Variants in TTC8 observed in about 807,000 individuals in gnomAD.
The protein encoded by TTC8 is tetratricopeptide repeat domain 8.
In TTC8, 47 loss-of-function variants were observed where a neutral mutation model predicts 72.5. The observed-to-expected ratio is 0.65, with a 90% CI of 0.51 to 0.83. The LOEUF (loss-of-function observed/expected upper bound fraction) is 0.83, where lower values mean the gene tolerates loss of function less well. TTC8 is among the 40% of genes least tolerant of loss of function. The pLI is 0.00. For synonymous variants in TTC8, 199 were observed against 221.4 expected, an observed-to-expected ratio of 0.90 and a Z score of 0.90; for missense variants, 611 against 623.2, an observed-to-expected ratio of 0.98 and a Z score of 0.21.
chr14:88,862,209 T>G (rs1000847440), intron 10 of TTC8, among the ~76,000 whole-genome samples: 4 of 152,058 alleles, frequency 2.6e-5, no homozygotes, highest in African/African-American at 9.7e-5. Flanking sequence ...TTCACTGTGG[T>G]TTTGATTTAC....
At chr14:88,864,774 T>C (rs1366464398) in intron 10 of TTC8, among the ~76,000 whole-genome samples, 1 of 152,216 alleles carries the variant, frequency 6.6e-6, no homozygotes, top group Admixed American at 6.5e-5. Flanking sequence ...TAATTTCCGT[T>C]ATGTAAAGGT....
Position 88,846,617 on chromosome 14 carries a change from T to C in TTC8, c.624+2767T>C, listed in dbSNP as rs200350286. ...TAATAGATTCATCTTGAAGATGTAG[T>C]TCTACATCTTGGAATTTACCCATTC... On this transcript the variant is annotated intron_variant, in intron 7 of 14. Transcript: ENST00000380656. 172 of 1,456,296 alleles carry C rather than the reference T, an allele frequency of 1.2e-4. No individual in the cohort carries two copies. In the Middle Eastern group the frequency reaches 2.4e-3, roughly 21 times the overall value. 90.2% of individuals were successfully genotyped at this position (1,456,296 alleles called of 1,614,324 possible). A position where few individuals can be genotyped will look rare whatever the true frequency, so the allele number is the denominator to read the frequency against.
chr14:88,857,323 T>C (rs1226763143), intron 9 of TTC8, 46 bp downstream of exon 9: 15 of 1,535,630 alleles, frequency 9.8e-6, no homozygotes, highest in Non-Finnish European at 1.1e-5. Context: ...TCAGAATAAA[T>C]GTTTAAATTC....
At chr14:88,830,837 CT>C (rs1473698570) in intron 1 of TTC8, 5 of 455,882 alleles carry the variant, frequency 1.1e-5, no homozygotes, top group Non-Finnish European at 2.2e-5. Flanking sequence ...GAGTTTTCCC[CT>C]ATCTCCTAAT....
intron 2 of TTC8, among the ~76,000 whole-genome samples, chr14:88,834,449 G>A (rs2094740667): frequency 6.6e-6 from 1 of 152,146 alleles, no homozygotes. Context: ...CCTACCAAGC[G>A]AGATGGAATG....
chr14:88,843,015 C>T (rs72697964), intron 6 of TTC8, among the ~76,000 whole-genome samples: 3 of 151,900 alleles, frequency 2.0e-5, no homozygotes, highest in Non-Finnish European at 4.4e-5. Context: ...TCCAAGTCTT[C>T]TTTGTTAGTA....
At chr14:88,852,610 C>T (rs2094838426) in intron 7 of TTC8, among the ~76,000 whole-genome samples, 1 of 152,128 alleles carries the variant, frequency 6.6e-6, no homozygotes, top group African/African-American at 2.4e-5. Context: ...ACTTGACTGC[C>T]ACGGAGTTTG....
At chr14:88,836,054 T>A (rs1349593880) in intron 2 of TTC8, among the ~76,000 whole-genome samples, 2 of 152,198 alleles carry the variant, frequency 1.3e-5, no homozygotes, top group Non-Finnish European at 2.9e-5. Context: ...TAAAATTGAA[T>A]AACAGTCTGA....
intron 13 of TTC8, among the ~76,000 whole-genome samples, chr14:88,873,571 G>A (rs2094944348): frequency 1.3e-5 from 2 of 152,176 alleles, no homozygotes; most frequent in Admixed American, 6.5e-5. Context: ...TAGATGCTCA[G>A]TCAATATTTG....
In TTC8 at chr14:88,824,809, C is replaced by G; in HGVS notation, c.102C>G (p.Ser34=). The change falls in exon 1 of 15, where the codon TCC becomes TCG. Residue 34 remains serine (S), a synonymous_variant. Coordinates refer to ENST00000380656, the MANE Select transcript of TTC8 (RefSeq NM_144596.4). Reference sequence around the variant, plus strand: ...TATGCACGCAGATGCTGGAGAAGTCCCCTTATGACCAGGTACCGGCCAGCT... The same window carrying G: ...TATGCACGCAGATGCTGGAGAAGTCGCCTTATGACCAGGTACCGGCCAGCT... The part of the protein sequence containing the change: ...ADLCTQMLEK[S]PYDQEPDPEL... 1 of 1,613,164 alleles carries G rather than the reference C, an allele frequency of 6.2e-7. No homozygotes were observed. The highest frequency in any genetic ancestry group is 1.1e-5 in the South Asian group (1 of 90,840).
intron 7 of TTC8, among the ~76,000 whole-genome samples, chr14:88,851,614 A>G (rs1957236): frequency 0.041 from 6,154 of 151,896 alleles, 372 homozygotes; most frequent in African/African-American, 0.12. Flanking sequence ...CTGAAAATAT[A>G]TTTTTCTAGT....
intron 8 of TTC8, 143 bp downstream of exon 8, chr14:88,853,199 C>T: frequency 1.5e-6 from 1 of 681,392 alleles, no homozygotes; most frequent in South Asian, 1.5e-5. Flanking sequence ...ATTTACTTAA[C>T]AATCACAGGG....
chr14:88,857,230 G>T lies in TTC8; in HGVS notation c.751G>T (p.Ala251Ser), dbSNP rs1331874836. ...YREAEKQFKS[A>S]LKQQEMVDTF... ...TGAAGCAGAAAAACAGTTTAAATCA[G>T]CCCTGAAGCAGCAGGAAATGGTAGA... Residue 251 changes from alanine (A) to serine (S), a missense_variant, in exon 9 of 15, where the codon GCC becomes TCC. By Grantham distance (99) the Ala-to-Ser change is moderately conservative. Transcript: ENST00000380656. 1 of 1,613,778 alleles carries T rather than the reference G, an allele frequency of 6.2e-7. No homozygotes were observed. The highest frequency in any genetic ancestry group is 1.3e-5 in the African/African-American group (1 of 74,912).
At chr14:88,855,596 T>G (rs1187654735) in intron 8 of TTC8, among the ~76,000 whole-genome samples, 1 of 152,240 alleles carries the variant, frequency 6.6e-6, no homozygotes, top group Non-Finnish European at 1.5e-5. Flanking sequence ...ATTTTTATTT[T>G]TAAAATTTAT....
intron 14 of TTC8, among the ~76,000 whole-genome samples, chr14:88,875,995 G>A (rs544237980): frequency 1.3e-5 from 2 of 152,200 alleles, no homozygotes; most frequent in South Asian, 4.1e-4. Flanking sequence ...TGGCACAGAG[G>A]ATGTAATGAT....
rs2094937538 is a variant in TTC8 at position 88,872,289 on chromosome 14, T to C, written c.1225-41T>C. On this transcript the variant is annotated intron_variant, in intron 12 of 14. Coordinates refer to ENST00000380656, the MANE Select transcript of TTC8 (RefSeq NM_144596.4). ...TATGAGGAAAGAAGGGAGGAGGAAG[T>C]AAACGGACCCATGGGTGTGAACATA... is the stretch of plus-strand genomic sequence containing the variant. 1.9e-6 allele frequency: 3 copies of C among 1,612,104 alleles called. No individual in the cohort carries two copies. The Admixed American group carries it at 5.0e-5, about 27-fold the overall frequency.
intron 8 of TTC8, among the ~76,000 whole-genome samples, chr14:88,854,090 C>A (rs777825756): frequency 1.3e-5 from 2 of 152,004 alleles, no homozygotes; most frequent in African/African-American, 4.8e-5. Flanking sequence ...GTGTTTTTTC[C>A]TGCTGCTAGA....
upstream of TTC8, chr14:88,824,266 CG>C (rs1470730975): frequency 6.2e-6 from 1 of 162,072 alleles, no homozygotes; most frequent in Non-Finnish European, 1.3e-5. Context: ...GAAGGTAAAG[CG>C]AAAGGGATGG....
intron 8 of TTC8, among the ~76,000 whole-genome samples, chr14:88,854,710 G>A (rs1052574647): frequency 6.6e-6 from 1 of 151,962 alleles, no homozygotes; most frequent in Non-Finnish European, 1.5e-5. Flanking sequence ...TTTAGAGATG[G>A]GATCTTGCTC....
Sources: allele counts gnomAD v4.1 joint callset (sites outside exome capture counted in the v4.1 genomes callset), GRCh38; gene constraint gnomAD v4.1.1; transcripts MANE v1.5; gene names NCBI Gene and HGNC (gene_info 2026-07-23, HGNC 2026-07-21).